ARL3: variants seen among roughly 807,000 people sequenced by gnomAD.
ARL3 encodes ARF like GTPase 3, also known as ADP-ribosylation factor-like protein 3.
In ARL3, 9 loss-of-function variants were observed where a neutral mutation model predicts 26.0. The ratio of observed to expected loss-of-function variants is 0.35; its 90% confidence interval spans 0.21 to 0.60. ARL3 has a LOEUF of 0.60. ARL3 is among the 20% of genes least tolerant of loss of function. The pLI is 0.78. For missense variants in ARL3, 158 were observed against 215.7 expected (o/e 0.73, Z 1.67); for synonymous variants, 71 against 78.4 (o/e 0.91, Z 0.50).
At chr10:102,687,540 T>C (rs944483223) in intron 4 of ARL3, among the ~76,000 whole-genome samples, 1 of 151,846 alleles carries the variant, frequency 6.6e-6, no homozygotes, top group African/African-American at 2.4e-5. Flanking sequence ...ATACAAAAAT[T>C]AGCTGTGCAT....
chr10:102,699,423 T>C lies in ARL3; in HGVS notation c.214A>G (p.Arg72Gly). 1 of 1,613,256 alleles carries C rather than the reference T, an allele frequency of 6.2e-7. No homozygotes were observed. The highest frequency in any genetic ancestry group is 8.5e-7 in the Non-Finnish European group (1 of 1,179,428). Residue 72 changes from arginine to glycine, a missense_variant, in exon 3 of 6, where the codon AGG (arginine) becomes GGG (glycine). By Grantham distance (125) the Arg-to-Gly change is moderately radical. Transcript: ENST00000260746. ...KLNVWDIGGQ[R>G]KIRPYWKNYF... The stretch of plus-strand genomic sequence containing the variant: ...TTCTTCCAGTATGGTCTGATTTTCC[T>C]CTGTCCACCAATGTCCCATACATTC...
chr10:102,703,118 C>CTTTTTTTTTT lies in ARL3; in HGVS notation c.147+2218_147+2227dup, dbSNP rs1023724116. Among the ~76,000 whole-genome samples, 19 of 101,160 alleles carry CTTTTTTTTTT rather than the reference C, an allele frequency of 1.9e-4. 1 individual carries two copies. Among genetic ancestry groups the CTTTTTTTTTT allele is most frequent in the South Asian group, 7.4e-4 (2 of 2,718 alleles). 66.4% of individuals were successfully genotyped at this position (101,160 alleles called of 152,430 possible). A position where few individuals can be genotyped will look rare whatever the true frequency, so the allele number is the denominator to read the frequency against. ...TACAGTTTTTCCAATCAGGTCTTGTCTTTTTTTTTTTTTTTTTTTTTTGAG... is the reference window on the plus strand; with the variant it reads ...TACAGTTTTTCCAATCAGGTCTTGTCTTTTTTTTTTTTTTTTTTTTTTTTTTTTTTTTGAG... On this transcript the variant is annotated intron_variant, in intron 2 of 5. Coordinates refer to ENST00000260746, the MANE Select transcript of ARL3 (RefSeq NM_004311.4).
chr10:102,711,394 A>G (rs12775836), intron 1 of ARL3, among the ~76,000 whole-genome samples: 4 of 151,152 alleles, frequency 2.6e-5, no homozygotes, highest in Non-Finnish European at 4.4e-5. Context: ...ATATATATGT[A>G]TGTGTGTGTG....
chr10:102,686,579 C>T (rs1006365495), intron 4 of ARL3, among the ~76,000 whole-genome samples: 1 of 151,406 alleles, frequency 6.6e-6, no homozygotes, highest in African/African-American at 2.4e-5. Context: ...ATTCTCACCC[C>T]TCAGCCTCCT....
Position 102,673,920 on chromosome 10 carries a change from G to A in ARL3, c.*2974C>T, listed in dbSNP as rs915983639. On this transcript the variant is annotated 3_prime_UTR_variant, in exon 6 of 6. Coordinates refer to ENST00000260746, the MANE Select transcript of ARL3 (RefSeq NM_004311.4). The stretch of plus-strand genomic sequence containing the variant: ...ATGGAGTGCAGAGCTAAAAATAAAA[G>A]GAAGTAAGAACTGGTCCCCGAGAAG... 1 of 152,498 alleles carries A rather than the reference G, an allele frequency of 6.6e-6. No homozygotes were observed. Among genetic ancestry groups the A allele is most frequent in the African/African-American group, 2.4e-5 (1 of 41,406 alleles). 9.4% of individuals were successfully genotyped at this position (152,498 alleles called of 1,614,324 possible).
At chr10:102,709,030 G>A (rs2064324877) in intron 1 of ARL3, among the ~76,000 whole-genome samples, 1 of 150,522 alleles carries the variant, frequency 6.6e-6, no homozygotes, top group South Asian at 2.1e-4. Context: ...TCAGCCTCCG[G>A]AGTAGCTGGG....
intron 3 of ARL3, among the ~76,000 whole-genome samples, chr10:102,694,039 G>A (rs954637741): frequency 1.3e-5 from 2 of 152,230 alleles, no homozygotes; most frequent in Admixed American, 1.3e-4. Flanking sequence ...CCAGGCTGGA[G>A]TGCAGTGGTG....
At chr10:102,701,788 G>C (rs1466393183) in intron 2 of ARL3, among the ~76,000 whole-genome samples, 1 of 152,090 alleles carries the variant, frequency 6.6e-6, no homozygotes, top group Non-Finnish European at 1.5e-5. Context: ...AATTTATTCT[G>C]AGGAAATAAT....
intron 4 of ARL3, among the ~76,000 whole-genome samples, chr10:102,688,626 A>C (rs1216376469): frequency 6.6e-6 from 1 of 151,020 alleles, no homozygotes; most frequent in African/African-American, 2.4e-5. Context: ...CAGCCTCCAG[A>C]GTAGCTGGGA....
chr10:102,697,976 G>A (rs1359466897), intron 3 of ARL3, among the ~76,000 whole-genome samples: 2 of 152,122 alleles, frequency 1.3e-5, no homozygotes, highest in Admixed American at 1.3e-4. Flanking sequence ...AAGACAGAGA[G>A]CATAACAAAC....
intron 1 of ARL3, among the ~76,000 whole-genome samples, chr10:102,713,166 G>A (rs565803609): frequency 5.3e-5 from 8 of 151,072 alleles, no homozygotes; most frequent in Non-Finnish European, 1.2e-4. Flanking sequence ...GAGAGTTGGA[G>A]CAGTGACTAT....
chr10:102,703,088 C>A, intron 2 of ARL3, among the ~76,000 whole-genome samples: 1 of 151,816 alleles, frequency 6.6e-6, no homozygotes, highest in South Asian at 2.1e-4. Flanking sequence ...TTCTAAGAAA[C>A]CCACTACAGT....
rs898461895 is a variant in ARL3 at position 102,714,252 on chromosome 10, G to T, written c.3+21C>A. 10 of 1,313,240 alleles carry T rather than the reference G, an allele frequency of 7.6e-6. No individual in the cohort carries two copies. In the African/African-American group the frequency reaches 1.2e-4, roughly 16 times the overall value. The allele number at this position is 1,313,240 out of a possible 1,614,324, so 81.3% of individuals were successfully genotyped here. A position where few individuals can be genotyped will look rare whatever the true frequency, so the allele number is the denominator to read the frequency against. ...GGGGATAACCGGCCGGCTCCAAGGG[G>T]GCCCAGGCCCCCACACTCACCATCC... On this transcript the variant is annotated intron_variant, in intron 1 of 5. Coordinates refer to ENST00000260746, the MANE Select transcript of ARL3 (RefSeq NM_004311.4).
intron 4 of ARL3, among the ~76,000 whole-genome samples, chr10:102,689,505 T>G (rs2064205380): frequency 6.6e-6 from 1 of 151,674 alleles, no homozygotes; most frequent in African/African-American, 2.4e-5. Context: ...CCCAGTTATT[T>G]GGGAACTATC....
intron 2 of ARL3, among the ~76,000 whole-genome samples, chr10:102,699,723 C>T (rs1024002705): frequency 6.6e-6 from 1 of 152,154 alleles, no homozygotes; most frequent in Non-Finnish European, 1.5e-5. Context: ...CAATGTTTTT[C>T]TACAATGAAC....
intron 1 of ARL3, among the ~76,000 whole-genome samples, chr10:102,709,152 C>A (rs1392891605): frequency 6.6e-6 from 1 of 151,584 alleles, no homozygotes; most frequent in African/African-American, 2.4e-5. Flanking sequence ...GCAATCTGCC[C>A]GTGACGGCCT....
intron 5 of ARL3, among the ~76,000 whole-genome samples, chr10:102,677,750 C>T (rs1564727733): frequency 6.6e-6 from 1 of 152,182 alleles, no homozygotes; most frequent in Non-Finnish European, 1.5e-5. Flanking sequence ...TAGAGTCTCC[C>T]CAACCTTCAA....
intron 4 of ARL3, among the ~76,000 whole-genome samples, chr10:102,688,554 T>C (rs140226094): frequency 1.4e-5 from 2 of 144,658 alleles, no homozygotes; most frequent in East Asian, 4.1e-4. Flanking sequence ...CAGGCTGGAG[T>C]GCAGTGACAC....
intron 3 of ARL3, among the ~76,000 whole-genome samples, chr10:102,697,306 G>C (rs970234278): frequency 6.6e-6 from 1 of 151,928 alleles, no homozygotes; most frequent in Non-Finnish European, 1.5e-5. Context: ...AGCCTCCTGA[G>C]TAGCTGGGAT....
Sources: allele counts gnomAD v4.1 joint callset (sites outside exome capture counted in the v4.1 genomes callset), GRCh38; gene constraint gnomAD v4.1.1; transcripts MANE v1.5; gene names NCBI Gene and HGNC (gene_info 2026-07-23, HGNC 2026-07-21).